Variants in CFAP20DC observed in about 807,000 individuals in gnomAD.
The protein encoded by CFAP20DC is protein CFAP20DC.
In CFAP20DC, 84 loss-of-function variants were observed where a neutral mutation model predicts 101.7. The ratio of observed to expected loss-of-function variants is 0.83; its 90% CI spans 0.69 to 0.99. CFAP20DC has a LOEUF of 0.99. CFAP20DC is among the 50% of genes least tolerant of loss of function. The pLI is 0.00. For synonymous variants in CFAP20DC, 359 were observed against 351.2 expected (o/e 1.02, Z -0.25); for missense variants, 1,007 against 970.3 (o/e 1.04, Z -0.50).
At chr3:58,958,205 C>T (rs2090816048) in intron 4 of CFAP20DC, among the ~76,000 whole-genome samples, 2 of 152,044 alleles carry the variant, frequency 1.3e-5, no homozygotes. Context: ...ACTCAAACTC[C>T]CAGCCCCAGA....
intron 4 of CFAP20DC, among the ~76,000 whole-genome samples, chr3:58,985,611 C>T (rs2092724337): frequency 6.6e-6 from 1 of 152,136 alleles, no homozygotes; most frequent in African/African-American, 2.4e-5. Flanking sequence ...AGTAGTGTGG[C>T]TTTTATACAT....
intron 13 of CFAP20DC, among the ~76,000 whole-genome samples, chr3:58,842,852 A>G (rs565676809): frequency 6.6e-6 from 1 of 152,220 alleles, no homozygotes; most frequent in East Asian, 1.9e-4. Flanking sequence ...TGGGTCCCTG[A>G]CCCCTGACCC....
At chr3:58,973,498 G>A (rs1207144051) in intron 4 of CFAP20DC, among the ~76,000 whole-genome samples, 2 of 152,080 alleles carry the variant, frequency 1.3e-5, no homozygotes, top group Non-Finnish European at 2.9e-5. Context: ...ATACCCTCAA[G>A]AGCATCCAGG....
intron 6 of CFAP20DC, among the ~76,000 whole-genome samples, chr3:58,902,408 A>G (rs2107149204): frequency 6.6e-6 from 1 of 152,302 alleles, no homozygotes; most frequent in South Asian, 2.1e-4. Context: ...TTATGTTCCT[A>G]CCAGTAATGT....
At chr3:58,929,864 C>T (rs890218373) in intron 5 of CFAP20DC, among the ~76,000 whole-genome samples, 3 of 152,152 alleles carry the variant, frequency 2.0e-5, no homozygotes, top group East Asian at 1.9e-4. Flanking sequence ...ATGATTGCCA[C>T]GCTCCCTAAA....
chr3:58,966,510 G>GTA (rs907402248), intron 4 of CFAP20DC, among the ~76,000 whole-genome samples: 7 of 147,408 alleles, frequency 4.7e-5, no homozygotes, highest in African/African-American at 1.5e-4. Context: ...GTGTGTGTGT[G>GTA]TATATATATA....
chr3:58,851,615 T>C (rs1356202339), intron 12 of CFAP20DC, among the ~76,000 whole-genome samples: 1 of 152,130 alleles, frequency 6.6e-6, no homozygotes, highest in Non-Finnish European at 1.5e-5. Flanking sequence ...ACTTTATTTC[T>C]CAACATAAGC....
chr3:58,823,848 T>A (rs2075857117), intron 14 of CFAP20DC, among the ~76,000 whole-genome samples: 1 of 152,196 alleles, frequency 6.6e-6, no homozygotes, highest in African/African-American at 2.4e-5. Context: ...TTAATTTCAT[T>A]GTTTTCATTC....
At chr3:58,980,039 C>T (rs1351426064) in intron 4 of CFAP20DC, among the ~76,000 whole-genome samples, 1 of 152,096 alleles carries the variant, frequency 6.6e-6, no homozygotes, top group Non-Finnish European at 1.5e-5. Context: ...AAGTATGTTG[C>T]CTTAGTGATA....
At chr3:59,009,744 A>C (rs1406531182) in intron 4 of CFAP20DC, among the ~76,000 whole-genome samples, 4 of 152,204 alleles carry the variant, frequency 2.6e-5, no homozygotes, top group African/African-American at 9.6e-5. Flanking sequence ...TTCATAGCAC[A>C]AAGATCATCA....
intron 7 of CFAP20DC, among the ~76,000 whole-genome samples, chr3:58,871,244 A>C (rs958487346): frequency 6.6e-6 from 1 of 152,136 alleles, no homozygotes; most frequent in African/African-American, 2.4e-5. Context: ...GGAAGAAGGG[A>C]AGGGCAGGGT....
chr3:58,907,922 C>T (rs377200200), intron 6 of CFAP20DC, among the ~76,000 whole-genome samples: 2 of 152,244 alleles, frequency 1.3e-5, no homozygotes, highest in African/African-American at 4.8e-5. Flanking sequence ...ACATTTCAGG[C>T]CATCTGAGAG....
chr3:58,733,325 G>C (rs1455815803), intron 3 of CFAP20DC, among the ~76,000 whole-genome samples: 3 of 151,682 alleles, frequency 2.0e-5, no homozygotes, highest in African/African-American at 7.3e-5. Context: ...GGGCAAGACT[G>C]CACATGTACC....
At chr3:58,791,269 TA>T (rs2072827005) in intron 15 of CFAP20DC, among the ~76,000 whole-genome samples, 1 of 152,186 alleles carries the variant, frequency 6.6e-6, no homozygotes, top group African/African-American at 2.4e-5. Context: ...TACCATTTAA[TA>T]AAAATATATA....
At chr3:58,980,385 C>CCG (rs1559935344) in intron 4 of CFAP20DC, among the ~76,000 whole-genome samples, 2 of 152,072 alleles carry the variant, frequency 1.3e-5, no homozygotes, top group African/African-American at 4.8e-5. Flanking sequence ...TACCAAAGGA[C>CCG]GGCAGAGACA....
intron 5 of CFAP20DC, among the ~76,000 whole-genome samples, chr3:58,916,729 C>T (rs1400345136): frequency 2.0e-5 from 3 of 152,102 alleles, no homozygotes; most frequent in African/African-American, 7.2e-5. Context: ...ACAAATCCCC[C>T]TTGGCTAGAG....
intron 13 of CFAP20DC, among the ~76,000 whole-genome samples, chr3:58,836,441 T>G (rs368235447): frequency 2.6e-4 from 40 of 152,308 alleles, no homozygotes; most frequent in African/African-American, 9.1e-4. Context: ...ATAGAACTTT[T>G]TGAGCCTCAG....
Position 58,729,847 on chromosome 3 carries a change from T to C in CFAP20DC, c.198-12219A>G, listed in dbSNP as rs573397482. ...CAGCGTGACCAACACGGAGAAACCC[T>C]GTCTCTACTAAAAATACAAAATTAG... On this transcript the variant is annotated intron_variant, in intron 3 of 3. Transcript: ENST00000486145. The surrounding 1 kb of genome is among the most constrained non-coding windows in gnomAD (Gnocchi z 4.4). Among the ~76,000 whole-genome samples, 89 of 151,944 alleles carry C rather than the reference T, an allele frequency of 5.9e-4. 1 individual carries two copies. The highest frequency in any genetic ancestry group is 2.0e-3 in the African/African-American group (84 of 41,460).
In CFAP20DC at chr3:58,929,471, C is replaced by T. The variant is rs764282990; in HGVS notation, c.393+8177G>A. On this transcript the variant is annotated intron_variant, in intron 5 of 16. Coordinates refer to ENST00000482387, the MANE Select transcript of CFAP20DC (RefSeq NM_001394063.1). ...TCTTACATGAATAAGGAAATCAATA[C>T]CTAAACATAAAATGATGAATACAAT... Among the ~76,000 whole-genome samples the T allele has an allele frequency of 8.1e-4, 124 of 152,250 alleles. 1 individual carries two copies. Among genetic ancestry groups the T allele is most frequent in the Admixed American group, 1.9e-3 (29 of 15,280 alleles).
Sources: allele counts gnomAD v4.1 joint callset (sites outside exome capture counted in the v4.1 genomes callset), GRCh38; gene constraint gnomAD v4.1.1; non-coding constraint Gnocchi (gnomAD v3.1); transcripts MANE v1.5; gene names NCBI Gene and HGNC (gene_info 2026-07-23, HGNC 2026-07-21).